Variants in CPLANE1 observed in about 807,000 individuals in gnomAD.
CPLANE1 encodes ciliogenesis and planar polarity effector complex subunit 1.
In CPLANE1, 263 loss-of-function variants were observed where a neutral mutation model predicts 362.5. The observed-to-expected ratio is 0.73, with a 90% CI of 0.66 to 0.80. The LOEUF is 0.80. Ranked by LOEUF, CPLANE1 falls within the 30% of genes least tolerant of loss-of-function variation. The pLI is 0.00. For missense variants in CPLANE1, 3,461 were observed against 3,793.4 expected (o/e 0.91, Z 2.30); for synonymous variants, 1,212 against 1,302.6 (o/e 0.93, Z 1.50).
At chr5:37,082,225 A>T in the CPLANE1 span, among the ~76,000 whole-genome samples, 1 of 152,214 alleles carries the variant, frequency 6.6e-6, no homozygotes, top group Non-Finnish European at 1.5e-5. Flanking sequence ...TGAAATAAAA[A>T]CTTAACCTCA....
intron 46 of CPLANE1, among the ~76,000 whole-genome samples, chr5:37,134,687 G>A (rs1270185984): frequency 2.0e-5 from 3 of 151,644 alleles, no homozygotes; most frequent in African/African-American, 7.3e-5. Context: ...CTAGCTCTGG[G>A]GTTAATTTGT....
chr5:37,236,621 G>A (rs1037066787), intron 8 of CPLANE1, among the ~76,000 whole-genome samples: 1 of 151,134 alleles, frequency 6.6e-6, no homozygotes, highest in African/African-American at 2.4e-5. Flanking sequence ...CACAATTGAA[G>A]TAAAAAGGCA....
intron 46 of CPLANE1, among the ~76,000 whole-genome samples, chr5:37,132,852 C>T (rs2150266124): frequency 6.6e-6 from 1 of 152,250 alleles, no homozygotes; most frequent in East Asian, 1.9e-4. Context: ...TTTCCCAAGG[C>T]CAGTGTCCAG....
Position 37,186,409 on chromosome 5 carries a change from T to C in CPLANE1, c.4081-15A>G, listed in dbSNP as rs370675686. 13 of 1,188,106 alleles carry C rather than the reference T, an allele frequency of 1.1e-5. No homozygotes were observed. The African/African-American group carries it at 1.4e-4, about 12-fold the overall frequency. The allele number at this position is 1,188,106 out of a possible 1,614,324, so 73.6% of individuals were successfully genotyped here. A position where few individuals can be genotyped will look rare whatever the true frequency, so the allele number is the denominator to read the frequency against. ...ATTTCTGCTACCTTCAGAAAAAAAA[T>C]TGTTTAAGTTTTATGAGAAACATCA... On this transcript the variant is annotated splice_polypyrimidine_tract_variant and intron_variant, in intron 23 of 52. Transcript: ENST00000651892.
Position 37,167,030 on chromosome 5 carries a change from T to G in CPLANE1, c.7400+17A>C. 1 of 1,585,908 alleles carries G rather than the reference T, an allele frequency of 6.3e-7. No homozygotes were observed. Among genetic ancestry groups the G allele is most frequent in the Non-Finnish European group, 8.6e-7 (1 of 1,162,976 alleles). ...TGATATATGATATTATCAAATAAAA[T>G]TTCACTTAAGCCTTGCCTTTTTTTA... On this transcript the variant is annotated intron_variant, in intron 35 of 52. Transcript: ENST00000651892.
Position 37,170,094 on chromosome 5 carries a change from G to A in CPLANE1, c.6409C>T (p.His2137Tyr). The part of the protein sequence containing the change: ...NAREPRKNSP[H>Y]CHEGTIPSGQ... Reference sequence around the variant, plus strand: ...GATGGGATAGTTCCTTCATGGCAGTGTGGGCTGTTCTTGCGAGGCTCTCTG... The same window carrying A: ...GATGGGATAGTTCCTTCATGGCAGTATGGGCTGTTCTTGCGAGGCTCTCTG... Residue 2137 changes from histidine to tyrosine, a missense_variant, in exon 33 of 53, where the codon CAC becomes TAC. Physicochemically the swap from His to Tyr is moderately conservative, Grantham distance 83 (BLOSUM62 2). Coordinates refer to ENST00000651892, the MANE Select transcript of CPLANE1 (RefSeq NM_001384732.1). 1 of 1,614,134 alleles carries A rather than the reference G, an allele frequency of 6.2e-7. No individual in the cohort carries two copies. Among genetic ancestry groups the A allele is most frequent in the Non-Finnish European group, 8.5e-7 (1 of 1,180,032 alleles).
chr5:37,102,961 T>C (rs1239926149), downstream of CPLANE1, among the ~76,000 whole-genome samples: 1 of 152,196 alleles, frequency 6.6e-6, no homozygotes, highest in Non-Finnish European at 1.5e-5. Context: ...TAATTTTCTG[T>C]CTTGATGATC....
intron 26 of CPLANE1, among the ~76,000 whole-genome samples, chr5:37,182,453 GA>G (rs1268003880): frequency 6.6e-6 from 1 of 152,118 alleles, no homozygotes; most frequent in Non-Finnish European, 1.5e-5. Flanking sequence ...ACCAAAACCT[GA>G]AACTGAAAGG....
At chr5:37,238,675 T>G (rs544509870) in intron 8 of CPLANE1, among the ~76,000 whole-genome samples, 182 bp downstream of exon 8, 1 of 151,798 alleles carries the variant, frequency 6.6e-6, no homozygotes, top group South Asian at 2.1e-4. Context: ...TCTTTTTATT[T>G]TTTAGTAAAG....
chr5:37,243,249 T>A (rs1800963320), intron 5 of CPLANE1, 130 bp from the exon 6 acceptor site: 1 of 585,678 alleles, frequency 1.7e-6, no homozygotes, highest in Non-Finnish European at 2.8e-6. Context: ...CTTTTTATCC[T>A]TAACATTAAG....
At chr5:37,164,438 C>G in intron 36 of CPLANE1, 111 bp from the exon 37 acceptor site, 1 of 720,550 alleles carries the variant, frequency 1.4e-6, no homozygotes. Context: ...ACTTCAACTT[C>G]CATCATTCTA....
In CPLANE1 at chr5:37,106,723, C is replaced by T; in HGVS notation, c.*879G>A. ...ACTTGCTGCAATACATGTTGTAAAA[C>T]CTGGCTTCACACAGGTAGATATTTG... On this transcript the variant is annotated 3_prime_UTR_variant, in exon 53 of 53. Coordinates refer to ENST00000651892, the MANE Select transcript of CPLANE1 (RefSeq NM_001384732.1). 3.8e-6 allele frequency: 2 copies of T among 528,586 alleles called. No homozygotes were observed. The highest frequency in any genetic ancestry group is 8.3e-5 in the South Asian group (1 of 12,078). 32.7% of individuals were successfully genotyped at this position (528,586 alleles called of 1,614,324 possible).
intron 21 of CPLANE1, among the ~76,000 whole-genome samples, chr5:37,188,907 T>A (rs1784733590): frequency 6.6e-6 from 1 of 152,230 alleles, no homozygotes; most frequent in South Asian, 2.1e-4. Flanking sequence ...TTGCCCAGGC[T>A]GGAGTGCAGT....
intron 12 of CPLANE1, 141 bp downstream of exon 12, chr5:37,226,163 A>C: frequency 1.8e-6 from 1 of 562,330 alleles, no homozygotes; most frequent in Non-Finnish European, 2.8e-6. Flanking sequence ...ATAGTTTCAC[A>C]ACCTTATAAA....
At chr5:37,086,605 T>C in the CPLANE1 span, among the ~76,000 whole-genome samples, 1 of 152,304 alleles carries the variant, frequency 6.6e-6, no homozygotes, top group East Asian at 1.9e-4. Flanking sequence ...TGATCATTTG[T>C]GGGCAGGATA....
intron 17 of CPLANE1, among the ~76,000 whole-genome samples, chr5:37,205,974 G>C (rs1790610560): frequency 1.3e-5 from 2 of 152,136 alleles, no homozygotes; most frequent in Non-Finnish European, 2.9e-5. Flanking sequence ...ATTAACTAAA[G>C]TTAAATTGAA....
At chr5:37,095,802 C>G in the CPLANE1 span, among the ~76,000 whole-genome samples, 1 of 152,078 alleles carries the variant, frequency 6.6e-6, no homozygotes, top group South Asian at 2.1e-4. Flanking sequence ...AGCTGAGAAA[C>G]AAATAAAAAA....
At position 37,153,856 on chromosome 5, in the gene CPLANE1, G is replaced by T; in HGVS notation, c.8257C>A (p.His2753Asn). The change falls in exon 42 of 53, where the codon CAT (histidine) becomes AAT (asparagine). Residue 2753 changes from histidine (H) to asparagine (N), a missense_variant. His to Asn is a moderately conservative substitution (Grantham distance 68). Transcript: ENST00000651892. ...ATTTTCTGAAGCTTAGCACTGAGATGCTCTAGTTGGTGAGCTGCAGAGCTT... is the reference window on the plus strand; with the variant it reads ...ATTTTCTGAAGCTTAGCACTGAGATTCTCTAGTTGGTGAGCTGCAGAGCTT... ...APSSAAHQLE[H>N]LSAKLQKIDE... 1.9e-6 allele frequency: 3 copies of T among 1,614,116 alleles called. No homozygotes were observed. The highest frequency in any genetic ancestry group is 2.5e-6 in the Non-Finnish European group (3 of 1,180,026).
intron 9 of CPLANE1, among the ~76,000 whole-genome samples, chr5:37,228,710 G>T (rs987381445): frequency 2.0e-5 from 3 of 152,026 alleles, no homozygotes; most frequent in African/African-American, 7.2e-5. Context: ...TGTTACCTTT[G>T]AAGTATAGGA....
Sources: gnomAD v4.1 joint callset for allele counts (sites outside exome capture counted in the v4.1 genomes callset) on GRCh38, gnomAD v4.1.1 for gene constraint, MANE v1.5 for transcripts, NCBI Gene and HGNC (gene_info 2026-07-23, HGNC 2026-07-21) for gene names.